The following SP6 variants were observed in gnomAD, a reference collection of about 807,000 sequenced individuals.
SP6 encodes the protein transcription factor Sp6.
Under a neutral mutation model 23.4 loss-of-function variants are expected in SP6, and 10 were observed. That is an observed-to-expected ratio of 0.43 (90% CI 0.26 to 0.72). The LOEUF (loss-of-function observed/expected upper bound fraction) is 0.72. SP6 is among the 30% of genes least tolerant of loss of function. The pLI is 0.23. For missense variants in SP6, 482 were observed against 523.8 expected (o/e 0.92, Z 0.78); for synonymous variants, 238 against 238.7 (o/e 1.00, Z 0.03).
chr17:47,864,741 G>A, the SP6 span: 1 of 152,340 alleles, frequency 6.6e-6, no homozygotes, highest in African/African-American at 2.4e-5. Flanking sequence ...GGCCCTCTCT[G>A]GGCACCGAAG....
In SP6 at chr17:47,845,976, T is replaced by G. The variant is rs1338694467; in HGVS notation, c.*1323A>C. 1 of 152,104 alleles carries G rather than the reference T, an allele frequency of 6.6e-6. No homozygotes were observed. Among genetic ancestry groups the G allele is most frequent in the Non-Finnish European group, 1.5e-5 (1 of 68,022 alleles). The allele number at this position is 152,104 out of a possible 1,614,324, so 9.4% of individuals were successfully genotyped here. On this transcript the variant is annotated 3_prime_UTR_variant, in exon 2 of 2. Coordinates refer to ENST00000536300, the MANE Select transcript of SP6 (RefSeq NM_001258248.2). ...CTGCTGGGCTTCTCCCCTCCCTCCTTTCCTCTCTCCCCCACCCCATGATCA... is the reference window on the plus strand; with the variant it reads ...CTGCTGGGCTTCTCCCCTCCCTCCTGTCCTCTCTCCCCCACCCCATGATCA...
In SP6 at chr17:47,847,868, C is replaced by A; in HGVS notation, c.562G>T (p.Gly188Trp). Residue 188 changes from glycine (G) to tryptophan (W), a missense_variant, in exon 2 of 2, where the codon GGG becomes TGG. By Grantham distance (184) the Gly-to-Trp change is radical. Around this residue, in one of 3 missense-constraint regions of SP6, gnomAD observed 330 missense variants for 332.3 expected, o/e 0.99. Transcript: ENST00000536300. ...GCGGCTACTTCCAAGGCCTTAGCCC[C>A]GTCGGGCGGCCCTAGGAGATGCTGC... Reference protein sequence around the residue: ...GGQHLLGPPDGAKALEVAAPE... With the variant: ...GGQHLLGPPDWAKALEVAAPE... 3.9e-6 allele frequency: 6 copies of A among 1,538,536 alleles called. No individual in the cohort carries two copies. The highest frequency in any genetic ancestry group is 5.3e-6 in the Non-Finnish European group (6 of 1,142,714).
chr17:47,873,856 C>T, the SP6 span, among the ~76,000 whole-genome samples: 4 of 141,890 alleles, frequency 2.8e-5, no homozygotes, highest in Non-Finnish European at 6.2e-5. Flanking sequence ...TCCTCCTCCT[C>T]CTCCTCTTCT....
chr17:47,875,053 G>T, the SP6 span, among the ~76,000 whole-genome samples: 1 of 151,832 alleles, frequency 6.6e-6, no homozygotes, highest in African/African-American at 2.4e-5. Flanking sequence ...CACCAGGGGG[G>T]CAGCTTTGTC....
At chr17:47,868,230 AC>A in the SP6 span, among the ~76,000 whole-genome samples, 1 of 152,154 alleles carries the variant, frequency 6.6e-6, no homozygotes, top group Admixed American at 6.5e-5. Flanking sequence ...GGTCCCTCAC[AC>A]ACTCTCCACT....
chr17:47,875,239 TC>T, the SP6 span, among the ~76,000 whole-genome samples: 1 of 152,078 alleles, frequency 6.6e-6, no homozygotes, highest in Non-Finnish European at 1.5e-5. Context: ...GCTCCCTGCT[TC>T]CCCGGGGGGG....
chr17:47,846,736 G>C lies in SP6; in HGVS notation c.*563C>G, dbSNP rs1293117325. 6.6e-6 allele frequency: 1 copy of C among 152,428 alleles called. No homozygotes were observed. The highest frequency in any genetic ancestry group is 1.5e-5 in the Non-Finnish European group (1 of 68,220). The allele number at this position is 152,428 out of a possible 1,614,324, so 9.4% of individuals were successfully genotyped here. A position where few individuals can be genotyped will look rare whatever the true frequency, so the allele number is the denominator to read the frequency against. On this transcript the variant is annotated 3_prime_UTR_variant, in exon 2 of 2. Coordinates refer to ENST00000536300, the MANE Select transcript of SP6 (RefSeq NM_001258248.2). Reference sequence around the variant, plus strand: ...TTTACAGCAACAACCCTCCAAACCAGAAAGAGACACCCCTGCCAAGGGGGA... The same window carrying C: ...TTTACAGCAACAACCCTCCAAACCACAAAGAGACACCCCTGCCAAGGGGGA...
the SP6 span, among the ~76,000 whole-genome samples, chr17:47,868,251 G>A: frequency 2.0e-5 from 3 of 152,228 alleles, no homozygotes; most frequent in African/African-American, 7.2e-5. Flanking sequence ...TCCCATTCGG[G>A]CAAGTGTGTG....
At chr17:47,849,342 G>A (rs1274894626) in intron 1 of SP6, among the ~76,000 whole-genome samples, 2 of 152,350 alleles carry the variant, frequency 1.3e-5, no homozygotes, top group East Asian at 1.9e-4. Flanking sequence ...CCCCAGAGAA[G>A]AGCTTGACAG....
chr17:47,869,188 G>C, the SP6 span, among the ~76,000 whole-genome samples: 1 of 152,230 alleles, frequency 6.6e-6, no homozygotes, highest in Non-Finnish European at 1.5e-5. Context: ...AAGGGACAGG[G>C]TACTGCCTCC....
Position 47,845,939 on chromosome 17 carries a change from C to T in SP6, c.*1360G>A, listed in dbSNP as rs61517752. The T allele has an allele frequency of 5.7e-4, 87 of 152,302 alleles. No individual in the cohort carries two copies. Among genetic ancestry groups the T allele is most frequent in the African/African-American group, 2.1e-3 (87 of 41,544 alleles). The allele number at this position is 152,302 out of a possible 1,614,324, so 9.4% of individuals were successfully genotyped here. A position where few individuals can be genotyped will look rare whatever the true frequency, so the allele number is the denominator to read the frequency against. Reference sequence around the variant, plus strand: ...TCATATCAGCTTCTTTCCCCTCTGCCTGGCTCAGCTTCTGCTGGGCTTCTC... The same window carrying T: ...TCATATCAGCTTCTTTCCCCTCTGCTTGGCTCAGCTTCTGCTGGGCTTCTC... On this transcript the variant is annotated 3_prime_UTR_variant, in exon 2 of 2. Coordinates refer to ENST00000536300, the MANE Select transcript of SP6 (RefSeq NM_001258248.2).
At chr17:47,867,605 C>T in the SP6 span, among the ~76,000 whole-genome samples, 1 of 152,166 alleles carries the variant, frequency 6.6e-6, no homozygotes, top group Non-Finnish European at 1.5e-5. Context: ...TCAGTGGAGG[C>T]TCCGATCCTC....
the SP6 span, among the ~76,000 whole-genome samples, chr17:47,865,393 C>T: frequency 6.6e-6 from 1 of 152,034 alleles, no homozygotes; most frequent in Admixed American, 6.5e-5. Flanking sequence ...CCCCGACTGA[C>T]CAGGGAAAGT....
chr17:47,862,944 A>G, the SP6 span, among the ~76,000 whole-genome samples: 97,859 of 151,810 alleles, frequency 0.64, 31,923 homozygotes, highest in African/African-American at 0.69. Context: ...TGAGCCTGTG[A>G]GCTTCAAGGA....
At chr17:47,874,030 CCTTCCT>C in the SP6 span, among the ~76,000 whole-genome samples, 1 of 150,108 alleles carries the variant, frequency 6.7e-6, no homozygotes, top group Non-Finnish European at 1.5e-5. Context: ...CTTCCCTCCT[CCTTCCT>C]CTTCCTCTTC....
upstream of SP6, among the ~76,000 whole-genome samples, chr17:47,857,619 T>G (rs1007735899): frequency 6.6e-6 from 1 of 152,088 alleles, no homozygotes; most frequent in Non-Finnish European, 1.5e-5. Context: ...TGGACAGCAA[T>G]GAACACAGCC....
chr17:47,873,449 AC>A, the SP6 span, among the ~76,000 whole-genome samples: 1 of 152,186 alleles, frequency 6.6e-6, no homozygotes, highest in Non-Finnish European at 1.5e-5. Flanking sequence ...GCTTCTGACA[AC>A]AGCCCTAGGT....
At chr17:47,855,071 C>T (rs1598063804), upstream of SP6, among the ~76,000 whole-genome samples, 1 of 152,330 alleles carries the variant, frequency 6.6e-6, no homozygotes, top group East Asian at 1.9e-4. Context: ...CGAGGGTCTA[C>T]TTAAGGCCAA....
At chr17:47,870,378 G>T in the SP6 span, among the ~76,000 whole-genome samples, 1 of 152,068 alleles carries the variant, frequency 6.6e-6, no homozygotes, top group African/African-American at 2.4e-5. Flanking sequence ...TGGAGGGGTG[G>T]AGAGTGTTTG....
Sources: allele counts gnomAD v4.1 joint callset (sites outside exome capture counted in the v4.1 genomes callset), GRCh38; gene constraint gnomAD v4.1.1; regional missense constraint gnomAD v4.1.1; transcripts MANE v1.5; gene names NCBI Gene and HGNC (gene_info 2026-07-23, HGNC 2026-07-21).